Variants in LUZP1 observed in about 807,000 individuals in gnomAD.
LUZP1 encodes the protein filamin mechanobinding actin cross-linking protein.
In LUZP1, 25 loss-of-function variants were observed where a neutral mutation model predicts 71.3. The observed-to-expected ratio is 0.35, with a 90% CI of 0.26 to 0.49. The LOEUF (loss-of-function observed/expected upper bound fraction) is 0.49. Ranked by LOEUF, LUZP1 falls within the 20% of genes least tolerant of loss-of-function variation. The pLI, the probability that LUZP1 is intolerant of heterozygous loss-of-function variation, is 0.99. For missense variants in LUZP1, 1,142 were observed against 1,300.8 expected (o/e 0.88, Z 1.88); for synonymous variants, 481 against 506.4 (o/e 0.95, Z 0.67).
At chr1:23,117,678 C>CCAG (rs1393412704) in intron 2 of LUZP1, among the ~76,000 whole-genome samples, 1 of 152,050 alleles carries the variant, frequency 6.6e-6, no homozygotes, top group Non-Finnish European at 1.5e-5. Context: ...AGGCTCTGTG[C>CCAG]CAGTTCTGCC....
chr1:23,101,536 C>A (rs980389938), intron 3 of LUZP1, among the ~76,000 whole-genome samples: 1 of 152,204 alleles, frequency 6.6e-6, no homozygotes, highest in Non-Finnish European at 1.5e-5. Context: ...AACTACCTTA[C>A]AGCAACACTA....
chr1:23,090,278 T>A (rs1443977883), intron 4 of LUZP1: 1 of 152,176 alleles, frequency 6.6e-6, no homozygotes, highest in East Asian at 1.9e-4. Context: ...AAAATGGGGA[T>A]AATATCTGCC....
At chr1:23,088,866 A>C in exon 5 of LUZP1, 1 of 1,608,074 alleles carries the variant, frequency 6.2e-7, no homozygotes, top group Non-Finnish European at 8.5e-7. Context: ...AAGCAGGAGC[A>C]GAGGGCAGAC....
At chr1:23,151,875 A>T (rs1644387472) in intron 2 of LUZP1, among the ~76,000 whole-genome samples, 1 of 151,914 alleles carries the variant, frequency 6.6e-6, no homozygotes, top group South Asian at 2.1e-4. Flanking sequence ...GGTAGCACAT[A>T]CCTGTAGTCC....
At chr1:23,088,775 C>G (rs1643806458) in exon 5 of LUZP1, 1 of 1,402,718 alleles carries the variant, frequency 7.1e-7, no homozygotes, top group South Asian at 1.5e-5. Flanking sequence ...GGCTCTACCA[C>G]AGTTTTCCAG....
At chr1:23,145,752 C>T (rs144057733) in intron 2 of LUZP1, among the ~76,000 whole-genome samples, 1,904 of 152,160 alleles carry the variant, frequency 0.013, 23 homozygotes, top group Non-Finnish European at 0.018. Flanking sequence ...GGATTACCGG[C>T]GTGAGCCACT....
At chr1:23,090,879 G>C in intron 4 of LUZP1, 1 of 717,754 alleles carries the variant, frequency 1.4e-6, no homozygotes, top group Non-Finnish European at 2.6e-6. Flanking sequence ...GAGGGCCTAC[G>C]GGGAGCTCCT....
At chr1:23,117,480 C>T (rs201084137) in intron 2 of LUZP1, among the ~76,000 whole-genome samples, 2,118 of 27,582 alleles carry the variant, frequency 0.077, 11 homozygotes, top group Non-Finnish European at 0.097. Context: ...TCTCTCTCCC[C>T]CCCCCCCCCC....
chr1:23,100,122 T>C (rs1643919505), intron 3 of LUZP1, among the ~76,000 whole-genome samples: 1 of 152,238 alleles, frequency 6.6e-6, no homozygotes. Flanking sequence ...TGCAGCTTTA[T>C]TTACTCAATT....
At chr1:23,115,154 G>C (rs996266786) in intron 2 of LUZP1, among the ~76,000 whole-genome samples, 2 of 152,160 alleles carry the variant, frequency 1.3e-5, no homozygotes, top group Non-Finnish European at 2.9e-5. Flanking sequence ...CTATGATAGA[G>C]GACTGCTGTA....
chr1:23,173,906 T>C (rs1644568294), intron 1 of LUZP1, among the ~76,000 whole-genome samples: 1 of 152,114 alleles, frequency 6.6e-6, no homozygotes, highest in Non-Finnish European at 1.5e-5. Flanking sequence ...CTTTCAATGC[T>C]AGAAGCCAAA....
intron 1 of LUZP1, among the ~76,000 whole-genome samples, chr1:23,169,971 T>TACACACACACACACAC (rs35087847): frequency 6.7e-6 from 1 of 149,214 alleles, no homozygotes; most frequent in African/African-American, 2.5e-5. Context: ...TTCCTACCTT[T>TACACACACACACACAC]ACACACACAC....
intron 2 of LUZP1, among the ~76,000 whole-genome samples, chr1:23,113,121 G>A (rs1644047836): frequency 1.3e-5 from 2 of 152,190 alleles, no homozygotes; most frequent in Admixed American, 6.5e-5. Flanking sequence ...ATCTGGACAC[G>A]GTGGCTCATG....
At position 23,092,825 on chromosome 1, in the gene LUZP1, C is replaced by T. The variant is rs200183824; in HGVS notation, c.1437G>A (p.Pro479=). 29 of 1,613,756 alleles carry T rather than the reference C, an allele frequency of 1.8e-5. No individual in the cohort carries two copies. In the Admixed American group the frequency reaches 2.0e-4, roughly 11 times the overall value. Reference sequence around the variant, plus strand: ...ACGCTTTACTGTGCTCCTGAGCAGCCGGGGGGTAGCGACTCAGCACTGAGG... The same window carrying T: ...ACGCTTTACTGTGCTCCTGAGCAGCTGGGGGGTAGCGACTCAGCACTGAGG... Residue 479 remains proline (P), a synonymous_variant, in exon 4 of 5, where the codon CCG becomes CCA. Transcript: ENST00000302291.
exon 5 of LUZP1, chr1:23,088,655 GGA>G (rs1272253581): frequency 8.5e-5 from 39 of 459,426 alleles, no homozygotes; most frequent in South Asian, 1.3e-4. Context: ...ACAGGGACAA[GGA>G]GAGAGAGAGG....
At position 23,093,866 on chromosome 1, in the gene LUZP1, A is replaced by T; in HGVS notation, c.396T>A (p.Asn132Lys). 6.2e-7 allele frequency: 1 copy of T among 1,614,082 alleles called. No individual in the cohort carries two copies. ...GGCTCAGACACAGCTGGGTACAGTC[A>T]TTCTTACTCCTGCTGAAGGCCTCTT... The change falls in exon 4 of 5, where the codon AAT (asparagine) becomes AAA (lysine). Residue 132 changes from asparagine to lysine, a missense_variant. By Grantham distance (94) the Asn-to-Lys change is moderately conservative. Transcript: ENST00000302291. The surrounding 1 kb of genome is among the most constrained non-coding windows in gnomAD (Gnocchi z 4.2).
chr1:23,172,600 T>C (rs146857987), intron 1 of LUZP1, among the ~76,000 whole-genome samples: 1,959 of 151,890 alleles, frequency 0.013, 28 homozygotes, highest in African/African-American at 0.044. Flanking sequence ...CTGCAATCTT[T>C]GCCTCCCAGG....
chr1:23,103,252 A>G (rs988206103), intron 3 of LUZP1, among the ~76,000 whole-genome samples: 1 of 152,076 alleles, frequency 6.6e-6, no homozygotes, highest in South Asian at 2.1e-4. Context: ...GCCAAGAGCT[A>G]TTTTCAAGCA....
chr1:23,174,524 A>G (rs1233822235), intron 1 of LUZP1, among the ~76,000 whole-genome samples: 1 of 152,142 alleles, frequency 6.6e-6, no homozygotes, highest in Non-Finnish European at 1.5e-5. Flanking sequence ...TCACCATCAC[A>G]CTGTCCTATG....
Sources: allele counts gnomAD v4.1 joint callset (sites outside exome capture counted in the v4.1 genomes callset), GRCh38; gene constraint gnomAD v4.1.1; non-coding constraint Gnocchi (gnomAD v3.1); transcripts MANE v1.5; gene names NCBI Gene and HGNC (gene_info 2026-07-23, HGNC 2026-07-21).